Variants in ZNF592 observed in about 807,000 individuals in gnomAD.
The protein encoded by ZNF592 is zinc finger protein 592.
In ZNF592, 11 loss-of-function variants were observed where a neutral mutation model predicts 80.3. The ratio of observed to expected loss-of-function variants is 0.14; its 90% CI spans 0.09 to 0.23. The LOEUF is 0.23. ZNF592 is among the 10% of genes least tolerant of loss of function. The probability of loss-of-function intolerance (pLI) is 1.00; values close to 1 mark genes in which losing one functional copy is unlikely to be tolerated. For missense variants in ZNF592, 1,420 were observed against 1,633.9 expected (o/e 0.87, Z 2.26); for synonymous variants, 646 against 640.3 (o/e 1.01, Z -0.13).
rs770560208 is a variant in ZNF592, at chr15:84,784,806, A to G, written c.2131A>G (p.Ile711Val). ...CCCTGTGAGGCTCATCCGGTACTCA[A>G]TCAAGTGTCTTGAATGTCACAAGCA... ...PDPVRLIRYSIKCLECHKQMR... is the reference protein window; with the variant it reads ...PDPVRLIRYSVKCLECHKQMR... The change falls in exon 4 of 11, where the codon ATC (isoleucine) becomes GTC (valine). Residue 711 changes from isoleucine to valine, a missense_variant. By Grantham distance (29) the Ile-to-Val change is conservative. Around this residue, in one of 7 missense-constraint regions of ZNF592, gnomAD observed 524 missense variants for 628.3 expected, o/e 0.83. Coordinates refer to ENST00000560079, the MANE Select transcript of ZNF592 (RefSeq NM_014630.3). This position sits in a 1 kb window ranked among gnomAD's most constrained non-coding sequence, Gnocchi z 5.8. The G allele has an allele frequency of 2.4e-5, 39 of 1,613,888 alleles. No homozygotes were observed. The highest frequency in any genetic ancestry group is 8.9e-5 in the East Asian group (4 of 44,876).
rs1184954851 is a variant in ZNF592, at chr15:84,783,279, A to G, written c.604A>G (p.Lys202Glu). Residue 202 changes from lysine to glutamate, a missense_variant, in exon 4 of 11, where the codon AAG becomes GAG. Around this residue, in one of 7 missense-constraint regions of ZNF592, gnomAD observed 373 missense variants for 355.5 expected, o/e 1.05. Transcript: ENST00000560079. This position sits in a 1 kb window ranked among gnomAD's most constrained non-coding sequence, Gnocchi z 5.0. The stretch of plus-strand genomic sequence containing the variant: ...GCTGCATATGTTTGATCATTTTTGT[A>G]AGAAAGAACCCAAGCCAGAACCCCT... ...PELHMFDHFC[K>E]KEPKPEPLPL... is the part of the protein sequence containing the mutation. 2 of 1,614,072 alleles carry G rather than the reference A, an allele frequency of 1.2e-6. No individual in the cohort carries two copies. Among genetic ancestry groups the G allele is most frequent in the Non-Finnish European group, 1.7e-6 (2 of 1,180,036 alleles).
intron 4 of ZNF592, among the ~76,000 whole-genome samples, chr15:84,789,929 G>T (rs1274058143): frequency 6.6e-6 from 1 of 152,206 alleles, no homozygotes; most frequent in East Asian, 1.9e-4. Flanking sequence ...CTGGCTGCTT[G>T]TCAGAGCTCT....
intron 2 of ZNF592, among the ~76,000 whole-genome samples, chr15:84,768,220 T>C (rs111398173): frequency 4.8e-5 from 7 of 147,114 alleles, no homozygotes; most frequent in Admixed American, 4.7e-4. Context: ...TTTTCTTTCT[T>C]TCTTTCTTTC....
intron 3 of ZNF592, among the ~76,000 whole-genome samples, chr15:84,778,522 A>G (rs1371824775): frequency 6.6e-6 from 1 of 152,066 alleles, no homozygotes; most frequent in Non-Finnish European, 1.5e-5. Context: ...GGGAAAGGGC[A>G]AGAAGGCCGT....
chr15:84,791,405 A>G (rs1962745628), intron 5 of ZNF592, among the ~76,000 whole-genome samples: 1 of 152,226 alleles, frequency 6.6e-6, no homozygotes, highest in Non-Finnish European at 1.5e-5. Flanking sequence ...GGTAAAACCA[A>G]GAAAACTCTT....
intron 5 of ZNF592, among the ~76,000 whole-genome samples, chr15:84,792,417 C>A (rs536468029): frequency 2.0e-5 from 3 of 152,294 alleles, no homozygotes; most frequent in Admixed American, 2.0e-4. Context: ...TAAAGTTTTG[C>A]AATGACTCCC....
In ZNF592 at chr15:84,799,125, T is replaced by C. The variant is rs765944362; in HGVS notation, c.3052T>C (p.Cys1018Arg). ...RTLKRYPCRQCEQSFHTPNSL... is the reference protein window; with the variant it reads ...RTLKRYPCRQREQSFHTPNSL... ...ATTGAAGCGGTACCCATGCCGGCAG[T>C]GTGAACAGTCCTTCCACACCCCCAA... The change falls in exon 9 of 11, where the codon TGT becomes CGT. Residue 1018 changes from cysteine to arginine, a missense_variant. By Grantham distance (180) the Cys-to-Arg change is radical. Transcript: ENST00000560079. This position sits in a 1 kb window ranked among gnomAD's most constrained non-coding sequence, Gnocchi z 4.2. 6.2e-7 allele frequency: 1 copy of C among 1,614,140 alleles called. No individual in the cohort carries two copies. The highest frequency in any genetic ancestry group is 8.5e-7 in the Non-Finnish European group (1 of 1,180,006).
chr15:84,801,733 A>C, intron 10 of ZNF592, 130 bp from the exon 11 acceptor site: 1 of 1,305,248 alleles, frequency 7.7e-7, no homozygotes. Context: ...CCAAACGTAA[A>C]CCAGCGTTCA....
chr15:84,793,530 A>G (rs952085421), intron 5 of ZNF592, among the ~76,000 whole-genome samples: 2 of 152,228 alleles, frequency 1.3e-5, no homozygotes, highest in Non-Finnish European at 2.9e-5. Context: ...GACTCAGCGA[A>G]AGGGATTACT....
Position 84,783,370 on chromosome 15 carries a change from C to T in ZNF592, c.695C>T (p.Pro232Leu), listed in dbSNP as rs756662804. 1.3e-5 allele frequency: 21 copies of T among 1,614,064 alleles called. No individual in the cohort carries two copies. Among genetic ancestry groups the T allele is most frequent in the African/African-American group, 9.3e-5 (7 of 74,932 alleles). Residue 232 changes from proline to leucine, a missense_variant, in exon 4 of 11, where the codon CCG becomes CTG. By Grantham distance (98) the Pro-to-Leu change is moderately conservative. This residue lies in a region of ZNF592 where 373 missense variants were observed against 355.5 expected (regional missense o/e 1.05). Coordinates refer to ENST00000560079, the MANE Select transcript of ZNF592 (RefSeq NM_014630.3). The surrounding 1 kb of genome is among the most constrained non-coding windows in gnomAD (Gnocchi z 5.0). ...GQNTVEPHKDPDATRFFGEAL... is the reference protein window; with the variant it reads ...GQNTVEPHKDLDATRFFGEAL... ...AACACAGTGGAACCTCACAAGGATC[C>T]GGATGCCACTCGATTCTTCGGGGAA...
Position 84,799,855 on chromosome 15 carries a change from G to A in ZNF592, c.3151G>A (p.Asp1051Asn). The A allele has an allele frequency of 1.2e-6, 2 of 1,614,128 alleles. No homozygotes were observed. The highest frequency in any genetic ancestry group is 1.7e-6 in the Non-Finnish European group (2 of 1,180,038). Residue 1051 changes from aspartate (D) to asparagine (N), a missense_variant, in exon 10 of 11, where the codon GAC (aspartate) becomes AAC (asparagine). This residue lies in a region of ZNF592 where 331 missense variants were observed against 347.0 expected (regional missense o/e 0.95). Transcript: ENST00000560079. This position sits in a 1 kb window ranked among gnomAD's most constrained non-coding sequence, Gnocchi z 4.2. ...KFYTCGYCTEDSPSFPRPSLL... is the reference protein window; with the variant it reads ...KFYTCGYCTENSPSFPRPSLL... ...GTGCTTCTGCAGGTACTGCACAGAG[G>A]ACAGCCCCAGCTTTCCTCGGCCCTC... is the stretch of plus-strand genomic sequence containing the variant.
chr15:84,789,049 TA>T (rs1290792809), intron 4 of ZNF592, among the ~76,000 whole-genome samples: 64 of 139,188 alleles, frequency 4.6e-4, no homozygotes, highest in Admixed American at 5.7e-4. Flanking sequence ...TGTCTCTATT[TA>T]AAAAAAAAAA....
intron 2 of ZNF592, among the ~76,000 whole-genome samples, chr15:84,776,032 A>G (rs1204114311): frequency 6.6e-6 from 1 of 152,244 alleles, no homozygotes; most frequent in Admixed American, 6.5e-5. Context: ...TTGTTACATA[A>G]TTCCACTATC....
At chr15:84,790,637 C>T in intron 4 of ZNF592, 68 bp from the exon 5 acceptor site, 1 of 1,536,118 alleles carries the variant, frequency 6.5e-7, no homozygotes, top group Non-Finnish European at 9.0e-7. Flanking sequence ...GCAAACCAGA[C>T]AGCCCTGATT....
chr15:84,806,230 G>T lies in ZNF592; in HGVS notation c.*3837G>T, dbSNP rs1272585411. The T allele has an allele frequency of 6.6e-6, 1 of 152,208 alleles. No individual in the cohort carries two copies. The highest frequency in any genetic ancestry group is 1.5e-5 in the Non-Finnish European group (1 of 68,038). The allele number at this position is 152,208 out of a possible 1,614,324, so 9.4% of individuals were successfully genotyped here. On this transcript the variant is annotated 3_prime_UTR_variant, in exon 11 of 11. Transcript: ENST00000560079. Reference sequence around the variant, plus strand: ...GTGTCCTCCTGACTAAGGGGTTCAGGATACTGTTCACCTTCTCCAACAGAT... The same window carrying T: ...GTGTCCTCCTGACTAAGGGGTTCAGTATACTGTTCACCTTCTCCAACAGAT...
intron 3 of ZNF592, among the ~76,000 whole-genome samples, chr15:84,782,296 G>A (rs916785855): frequency 6.6e-6 from 1 of 152,180 alleles, no homozygotes; most frequent in Non-Finnish European, 1.5e-5. Context: ...GTGCTAAGTG[G>A]CTTTTTGCTA....
At chr15:84,796,505 C>T (rs543966448) in intron 5 of ZNF592, among the ~76,000 whole-genome samples, 2 of 151,372 alleles carry the variant, frequency 1.3e-5, no homozygotes, top group East Asian at 3.9e-4. Flanking sequence ...TGTTCTTGGG[C>T]AGGAGGAAAG....
chr15:84,758,396 C>T (rs1472248086), intron 1 of ZNF592, among the ~76,000 whole-genome samples: 1 of 152,020 alleles, frequency 6.6e-6, no homozygotes, highest in East Asian at 1.9e-4. Flanking sequence ...GATCCTCCCA[C>T]CTCAGTCACC....
At chr15:84,755,567 G>T (rs1333732668) in intron 1 of ZNF592, among the ~76,000 whole-genome samples, 1 of 152,204 alleles carries the variant, frequency 6.6e-6, no homozygotes, top group Non-Finnish European at 1.5e-5. Flanking sequence ...TGTAAGGACA[G>T]AGTTTACAGT....
Sources: gnomAD v4.1 joint callset for allele counts (sites outside exome capture counted in the v4.1 genomes callset) on GRCh38, gnomAD v4.1.1 for gene constraint, gnomAD v4.1.1 regional missense constraint, Gnocchi (gnomAD v3.1) non-coding constraint, MANE v1.5 for transcripts, NCBI Gene and HGNC (gene_info 2026-07-23, HGNC 2026-07-21) for gene names.